The following TAFA2 variants were observed in gnomAD, a reference collection of about 807,000 sequenced individuals.
The protein encoded by TAFA2 is TAFA chemokine like family member 2.
In TAFA2, 7 loss-of-function variants were observed where a neutral mutation model predicts 18.8. That is an observed-to-expected ratio of 0.37 (90% CI 0.21 to 0.70). The LOEUF (loss-of-function observed/expected upper bound fraction) is 0.70, where lower values mean the gene tolerates loss of function less well. Ranked by LOEUF, TAFA2 falls within the 30% of genes least tolerant of loss-of-function variation. The probability of loss-of-function intolerance (pLI) is 0.53; values close to 1 mark genes in which losing one functional copy is unlikely to be tolerated. For missense variants in TAFA2, 122 were observed against 158.1 expected, an observed-to-expected ratio of 0.77 and a Z score of 1.23; for synonymous variants, 60 against 54.2, an observed-to-expected ratio of 1.11 and a Z score of -0.47.
chr12:62,059,129 A>ATGTGTGTGTGTGTGTGTGTG (rs1565730990), intron 1 of TAFA2, among the ~76,000 whole-genome samples: 1 of 76,852 alleles, frequency 1.3e-5, no homozygotes, highest in African/African-American at 5.3e-5. Context: ...ATATATATAT[A>ATGTGTGTGTGTGTGTGTGTG]TGTGTGTATA....
chr12:62,214,749 C>T (rs114691476), intron 1 of TAFA2, among the ~76,000 whole-genome samples: 1 of 151,992 alleles, frequency 6.6e-6, no homozygotes, highest in Non-Finnish European at 1.5e-5. Flanking sequence ...AAAAAATGAA[C>T]CTGCTGACCC....
At chr12:62,011,184 G>C (rs1301726908) in intron 1 of TAFA2, among the ~76,000 whole-genome samples, 1 of 151,950 alleles carries the variant, frequency 6.6e-6, no homozygotes, top group African/African-American at 2.4e-5. Context: ...CGGCTGCCCC[G>C]TCTGGGAAGT....
At chr12:61,906,067 T>C (rs11174232) in intron 1 of TAFA2, among the ~76,000 whole-genome samples, 41,536 of 152,108 alleles carry the variant, frequency 0.27, 6,119 homozygotes, top group East Asian at 0.44. Flanking sequence ...TAATGGATTG[T>C]CAAGAAAAAG....
chr12:61,759,428 C>T (rs1869432871), intron 2 of TAFA2, among the ~76,000 whole-genome samples: 1 of 149,790 alleles, frequency 6.7e-6, no homozygotes, highest in African/African-American at 2.5e-5. Flanking sequence ...CTGTGTAATT[C>T]AGCATGTTTC....
At chr12:61,833,408 C>T (rs976017771) in intron 2 of TAFA2, among the ~76,000 whole-genome samples, 1 of 151,800 alleles carries the variant, frequency 6.6e-6, no homozygotes, top group African/African-American at 2.4e-5. Context: ...ATAGAGTAGC[C>T]CCAAACTATC....
intron 2 of TAFA2, among the ~76,000 whole-genome samples, chr12:61,817,354 ATAGT>A (rs1872126811): frequency 1.3e-5 from 2 of 152,184 alleles, no homozygotes; most frequent in Non-Finnish European, 2.9e-5. Flanking sequence ...AATAATAATC[ATAGT>A]TATTATTATT....
chr12:61,839,813 G>A (rs558086725), intron 2 of TAFA2, among the ~76,000 whole-genome samples: 19 of 151,876 alleles, frequency 1.3e-4, no homozygotes, highest in Admixed American at 1.0e-3. Context: ...AAGTCCAAAC[G>A]CAATATACCC....
chr12:62,154,034 A>C (rs897851440), intron 1 of TAFA2, among the ~76,000 whole-genome samples: 1 of 151,826 alleles, frequency 6.6e-6, no homozygotes, highest in Non-Finnish European at 1.5e-5. Context: ...CTTTGCCTCA[A>C]CCTCCTGAGT....
intron 1 of TAFA2, among the ~76,000 whole-genome samples, chr12:61,968,093 T>C (rs1287772579): frequency 6.6e-6 from 1 of 151,838 alleles, no homozygotes; most frequent in Non-Finnish European, 1.5e-5. Context: ...CCTTCTGATA[T>C]TAGATGCTCT....
At chr12:61,769,306 C>T (rs2120834742) in intron 2 of TAFA2, among the ~76,000 whole-genome samples, 1 of 151,516 alleles carries the variant, frequency 6.6e-6, no homozygotes, top group East Asian at 2.0e-4. Context: ...GGCTCCAAAG[C>T]TCTTCCTACT....
chr12:61,799,395 G>T (rs938829302), intron 2 of TAFA2, among the ~76,000 whole-genome samples: 1 of 152,064 alleles, frequency 6.6e-6, no homozygotes, highest in Non-Finnish European at 1.5e-5. Flanking sequence ...ATGATGAGAG[G>T]GGAGAGTGCT....
At chr12:62,107,217 A>G (rs1869500273) in intron 1 of TAFA2, among the ~76,000 whole-genome samples, 1 of 142,154 alleles carries the variant, frequency 7.0e-6, no homozygotes, top group South Asian at 2.3e-4. Context: ...CCACTCCCAC[A>G]TGCACACATA....
intron 2 of TAFA2, among the ~76,000 whole-genome samples, chr12:61,756,653 A>T (rs1412931235): frequency 6.6e-6 from 1 of 152,084 alleles, no homozygotes; most frequent in Non-Finnish European, 1.5e-5. Context: ...CCACGGTAAT[A>T]ATTAAGGCAA....
At chr12:61,784,743 GGAA>G (rs1400350263) in intron 2 of TAFA2, among the ~76,000 whole-genome samples, 1 of 149,812 alleles carries the variant, frequency 6.7e-6, no homozygotes, top group African/African-American at 2.4e-5. Flanking sequence ...TACATAAAAG[GGAA>G]GTTTTACATA....
chr12:61,836,623 TC>T (rs1872929185), intron 2 of TAFA2, among the ~76,000 whole-genome samples: 1 of 151,448 alleles, frequency 6.6e-6, no homozygotes, highest in Admixed American at 6.6e-5. Flanking sequence ...ATAAAATAGT[TC>T]CAAACTGCTT....
At chr12:62,073,328 G>A (rs1882680736) in intron 1 of TAFA2, among the ~76,000 whole-genome samples, 1 of 151,982 alleles carries the variant, frequency 6.6e-6, no homozygotes, top group African/African-American at 2.4e-5. Context: ...CTTTGAGGTA[G>A]ATGTTATTAT....
rs1422103022 is a variant in TAFA2, at chr12:62,153,935, T to TGTTAC, written c.-2+37323_-2+37324insGTAAC. 1.2e-4 allele frequency among the ~76,000 whole-genome samples: 17 copies of TGTTAC among 146,790 alleles called. No individual in the cohort carries two copies. The Admixed American group carries it at 1.3e-3, about 12-fold the overall frequency. The stretch of plus-strand genomic sequence containing the variant: ...AACATAACAAAATTATGTTATGTTA[T>TGTTAC]GTTATGTTATGTTATGTTATGTTAT... On this transcript the variant is annotated intron_variant, in intron 1 of 4. Coordinates refer to ENST00000416284, the MANE Select transcript of TAFA2 (RefSeq NM_178539.5).
chr12:61,916,259 A>G (rs1317606753), intron 1 of TAFA2, among the ~76,000 whole-genome samples: 1 of 152,214 alleles, frequency 6.6e-6, no homozygotes, highest in Non-Finnish European at 1.5e-5. Context: ...GATCTGTGTT[A>G]CTACCTAAGC....
intron 1 of TAFA2, among the ~76,000 whole-genome samples, chr12:62,073,189 T>C (rs1370475254): frequency 6.6e-6 from 1 of 152,196 alleles, no homozygotes; most frequent in Admixed American, 6.5e-5. Context: ...GAGACTGGAA[T>C]CTGAAAAACA....
Sources: gnomAD v4.1 joint callset for allele counts (sites outside exome capture counted in the v4.1 genomes callset) on GRCh38, gnomAD v4.1.1 for gene constraint, MANE v1.5 for transcripts, NCBI Gene and HGNC (gene_info 2026-07-23, HGNC 2026-07-21) for gene names.